Variants in CDH13 observed in about 807,000 individuals in gnomAD.
The protein encoded by CDH13 is cadherin-13.
CDH13 carries 24 observed loss-of-function variants against 63.8 expected under a neutral mutation model. That is an observed-to-expected ratio of 0.38 (90% confidence interval 0.27 to 0.53). The LOEUF (loss-of-function observed/expected upper bound fraction) is 0.53, where lower values mean the gene tolerates loss of function less well. Among genes scored for constraint, CDH13 ranks in the 20% least tolerant of loss-of-function variants. The pLI, the probability that CDH13 is intolerant of heterozygous loss-of-function variation, is 0.85. For missense variants in CDH13, 1,049 were observed against 903.1 expected (o/e 1.16, Z -2.07); for synonymous variants, 503 against 355.3 (o/e 1.42, Z -4.67).
rs149302702 is a variant in CDH13, at chr16:83,087,582, C to A, written c.367-37803C>A. 3.8e-3 allele frequency among the ~76,000 whole-genome samples: 548 copies of A among 143,158 alleles called. 6 individuals carry two copies. The highest frequency in any genetic ancestry group is 0.013 in the African/African-American group (519 of 39,544). 93.9% of individuals were successfully genotyped at this position (143,158 alleles called of 152,430 possible). ...ACTCAGGAGGCTGATGCAGCAGACT[C>A]ACTTGAACGCGGGAGCCGGAGGTCA... is the stretch of plus-strand genomic sequence containing the variant. On this transcript the variant is annotated intron_variant, in intron 3 of 13. Transcript: ENST00000567109.
chr16:82,763,549 A>G (rs2034934860), intron 1 of CDH13, among the ~76,000 whole-genome samples: 1 of 152,226 alleles, frequency 6.6e-6, no homozygotes, highest in African/African-American at 2.4e-5. Context: ...AAAACATATT[A>G]TTTACTTAAA....
Position 83,217,551 on chromosome 16 carries a change from A to G in CDH13, c.636+54A>G, listed in dbSNP as rs113890845. On this transcript the variant is annotated intron_variant, in intron 5 of 13. Coordinates refer to ENST00000567109, the MANE Select transcript of CDH13 (RefSeq NM_001257.5). Reference sequence around the variant, plus strand: ...GTGCGCAGAAATGTGGCTTTCAAAGATTGTTTTCTTCCCACTGAGCTCATT... The same window carrying G: ...GTGCGCAGAAATGTGGCTTTCAAAGGTTGTTTTCTTCCCACTGAGCTCATT... 2,182 of 1,556,600 alleles carry G rather than the reference A, an allele frequency of 1.4e-3. 22 individuals are homozygous for G. The African/African-American group carries it at 0.025, about 18-fold the overall frequency.
intron 6 of CDH13, among the ~76,000 whole-genome samples, chr16:83,442,262 T>G (rs971601502): frequency 6.6e-6 from 1 of 152,170 alleles, no homozygotes; most frequent in Non-Finnish European, 1.5e-5. Context: ...GTATTTGAGG[T>G]AGATGAACTT....
chr16:83,021,163 T>G (rs184525543), intron 2 of CDH13, among the ~76,000 whole-genome samples: 7 of 152,332 alleles, frequency 4.6e-5, no homozygotes, highest in Admixed American at 3.9e-4. Context: ...TCAAATCCAC[T>G]TACTCAAATC....
chr16:83,151,746 C>T (rs984925309), intron 4 of CDH13, among the ~76,000 whole-genome samples: 1 of 152,296 alleles, frequency 6.6e-6, no homozygotes, highest in South Asian at 2.1e-4. Context: ...GAGCAGATCA[C>T]CTGAGGTCAG....
intron 1 of CDH13, among the ~76,000 whole-genome samples, chr16:82,713,138 G>A (rs534752641): frequency 1.6e-4 from 25 of 152,150 alleles, no homozygotes; most frequent in African/African-American, 6.0e-4. Context: ...GCAACTCGAA[G>A]TCATTGTCCC....
intron 5 of CDH13, among the ~76,000 whole-genome samples, chr16:83,287,136 G>A (rs1420775438): frequency 6.6e-6 from 1 of 152,190 alleles, no homozygotes; most frequent in Non-Finnish European, 1.5e-5. Context: ...TTCTGCAAAT[G>A]TCAGTGGAAT....
Position 82,731,531 on chromosome 16 carries a change from GA to G in CDH13, c.45+104396del, listed in dbSNP as rs144990012. On this transcript the variant is annotated intron_variant, in intron 1 of 13. Coordinates refer to ENST00000567109, the MANE Select transcript of CDH13 (RefSeq NM_001257.5). Reference sequence around the variant, plus strand: ...GAAAAGTATTTTGGGATTCAGCAAAGAAGCTGCTCAAGACATTGACAAATAA... The same window carrying G: ...GAAAAGTATTTTGGGATTCAGCAAAGAGCTGCTCAAGACATTGACAAATAA... Among the ~76,000 whole-genome samples, 712 of 152,308 alleles carry G rather than the reference GA, an allele frequency of 4.7e-3. 6 individuals carry two copies. Among genetic ancestry groups the G allele is most frequent in the African/African-American group, 0.016 (682 of 41,568 alleles).
intron 2 of CDH13, chr16:82,859,176 G>T (rs1355249777): frequency 6.6e-6 from 1 of 152,232 alleles, no homozygotes; most frequent in Non-Finnish European, 1.5e-5. Flanking sequence ...TTTAAAATTG[G>T]TGGTAGACAA....
At chr16:82,721,463 G>A (rs11639865) in intron 1 of CDH13, among the ~76,000 whole-genome samples, 7,832 of 152,210 alleles carry the variant, frequency 0.051, 316 homozygotes, top group Non-Finnish European at 0.082. Context: ...TGCAGGATAG[G>A]TATGGGCACA....
At chr16:83,255,241 T>C (rs1352371624) in intron 5 of CDH13, among the ~76,000 whole-genome samples, 3 of 152,204 alleles carry the variant, frequency 2.0e-5, no homozygotes. Context: ...ATGGACTATG[T>C]GGCCATGATG....
intron 10 of CDH13, chr16:83,728,972 T>G (rs1417905508): frequency 1.3e-5 from 2 of 153,078 alleles, no homozygotes; most frequent in African/African-American, 2.4e-5. Flanking sequence ...TGTGTCCTCA[T>G]GTAGCCTCAT....
chr16:83,147,242 T>C (rs1375524837), intron 4 of CDH13, among the ~76,000 whole-genome samples: 2 of 152,206 alleles, frequency 1.3e-5, no homozygotes. Context: ...AGTTGAATTG[T>C]TCCGTCTTCT....
At chr16:83,250,024 A>C (rs1026147335) in intron 5 of CDH13, among the ~76,000 whole-genome samples, 3 of 152,368 alleles carry the variant, frequency 2.0e-5, no homozygotes, top group South Asian at 2.1e-4. Context: ...GTGTAATGAG[A>C]GACAACAGAT....
intron 4 of CDH13, among the ~76,000 whole-genome samples, chr16:83,165,929 T>C (rs892827282): frequency 1.3e-5 from 2 of 151,840 alleles, no homozygotes; most frequent in African/African-American, 4.8e-5. Flanking sequence ...GAATCAACAG[T>C]GGTGGGAGAG....
intron 6 of CDH13, among the ~76,000 whole-genome samples, chr16:83,462,367 G>C (rs1462434975): frequency 1.3e-5 from 2 of 152,238 alleles, no homozygotes; most frequent in Non-Finnish European, 2.9e-5. Context: ...ATAGTCTCAA[G>C]TGCTTATCTT....
intron 11 of CDH13, among the ~76,000 whole-genome samples, chr16:83,760,379 C>A (rs546006278): frequency 7.9e-4 from 120 of 152,274 alleles, no homozygotes; most frequent in African/African-American, 2.9e-3. Flanking sequence ...GAAATGTGTT[C>A]CCCAAAACAC....
intron 2 of CDH13, among the ~76,000 whole-genome samples, chr16:82,881,108 T>C (rs1020370188): frequency 4.6e-5 from 7 of 152,154 alleles, no homozygotes; most frequent in African/African-American, 1.7e-4. Flanking sequence ...TTTTTCTTTA[T>C]TGTTGTGTAA....
intron 5 of CDH13, among the ~76,000 whole-genome samples, chr16:83,242,921 A>G (rs981272787): frequency 1.3e-5 from 2 of 152,224 alleles, no homozygotes; most frequent in East Asian, 3.8e-4. Flanking sequence ...AACATCTTTG[A>G]GCATATACCA....
Sources: allele counts gnomAD v4.1 joint callset (sites outside exome capture counted in the v4.1 genomes callset), GRCh38; gene constraint gnomAD v4.1.1; transcripts MANE v1.5; gene names NCBI Gene and HGNC (gene_info 2026-07-23, HGNC 2026-07-21).